Variants in CD163 observed in about 807,000 individuals in gnomAD.
CD163 encodes scavenger receptor cysteine-rich type 1 protein M130.
In CD163, 64 loss-of-function variants were observed where a neutral mutation model predicts 129.2. That is an observed-to-expected ratio of 0.50 (90% CI 0.41 to 0.61). The LOEUF is 0.61. Among genes scored for constraint, CD163 ranks in the 20% least tolerant of loss-of-function variants. The pLI, the probability that CD163 is intolerant of heterozygous loss-of-function variation, is 0.00. For missense variants in CD163, 1,061 were observed against 1,377.9 expected, an observed-to-expected ratio of 0.77 and a Z score of 3.64; for synonymous variants, 446 against 478.5, an observed-to-expected ratio of 0.93 and a Z score of 0.89.
chr12:7,496,159 G>A lies in CD163; in HGVS notation c.1099+654C>T, dbSNP rs1350552498. On this transcript the variant is annotated intron_variant, in intron 5 of 16. Transcript: ENST00000432237. The surrounding 1 kb of genome is among the most constrained non-coding windows in gnomAD (Gnocchi z 4.8). ...ACTACGCAGCCATAAAAAAGAATGA[G>A]TTTATGTCCTTTGAAGGGACACAGA... 6.6e-6 allele frequency among the ~76,000 whole-genome samples: 1 copy of A among 152,162 alleles called. No homozygotes were observed. The highest frequency in any genetic ancestry group is 1.5e-5 in the Non-Finnish European group (1 of 68,040).
intron 16 of CD163, among the ~76,000 whole-genome samples, chr12:7,475,097 C>CAAAA (rs58901449): frequency 6.9e-4 from 65 of 93,958 alleles, no homozygotes; most frequent in African/African-American, 7.6e-4. Context: ...GCCTACCAAC[C>CAAAA]AAAAAAAAAA....
Position 7,485,087 on chromosome 12 carries a change from G to C in CD163, c.2779+9C>G. ...AATGGAATTTTCATATAGGTCGATG[G>C]ATACTCACTGTCACATGTGATCCAG... On this transcript the variant is annotated intron_variant, in intron 11 of 16. Transcript: ENST00000432237. The surrounding 1 kb of genome is among the most constrained non-coding windows in gnomAD (Gnocchi z 4.5). 6.3e-7 allele frequency: 1 copy of C among 1,583,880 alleles called. No homozygotes were observed.
chr12:7,479,496 T>C (rs1483573798), intron 16 of CD163, among the ~76,000 whole-genome samples: 1 of 152,162 alleles, frequency 6.6e-6, no homozygotes, highest in African/African-American at 2.4e-5. Flanking sequence ...AAACTTTCTG[T>C]AGTGCCTTGT....
At chr12:7,479,790 A>G in intron 16 of CD163, 70 bp downstream of exon 16, 1 of 1,513,006 alleles carries the variant, frequency 6.6e-7, no homozygotes, top group South Asian at 1.2e-5. Flanking sequence ...TTCTAATGCC[A>G]GAAGAGCTCT....
rs760838036 is a variant in CD163 at position 7,501,441 on chromosome 12, C to T, written c.155G>A (p.Arg52Lys). 4 of 1,613,848 alleles carry T rather than the reference C, an allele frequency of 2.5e-6. No individual in the cohort carries two copies. In the South Asian group the frequency reaches 4.4e-5, roughly 18 times the overall value. Residue 52 changes from arginine to lysine, a missense_variant, in exon 3 of 17, where the codon AGG becomes AAG. Transcript: ENST00000432237. ...SSLGGTDKEL[R>K]LVDGENKCSG... ...ACACTTGTTTTCACCATCCACTAGCCTCAGCTCCTTGTCTGTTCCTCCTGC... is the reference window on the plus strand; with the variant it reads ...ACACTTGTTTTCACCATCCACTAGCTTCAGCTCCTTGTCTGTTCCTCCTGC...
At position 7,482,667 on chromosome 12, in the gene CD163, G is replaced by A. The variant is rs2136697351; in HGVS notation, c.3223C>T (p.Arg1075Ter). Residue 1075 changes from arginine to a stop codon, truncating the protein, a stop_gained, in exon 14 of 17, where the codon CGA becomes TGA. Transcript: ENST00000432237. LOFTEE classifies it high-confidence loss of function. ...CCTGCAAGCCGCTGTCTCTGTCTTC[G>A]CTTTTTAGTCAAGAAGAATAATGCG... ...FVALFFLTKK[R>*]RQRQRLAVSS... is the part of the protein sequence containing the mutation. 4 of 1,614,036 alleles carry A rather than the reference G, an allele frequency of 2.5e-6. No individual in the cohort carries two copies. Among genetic ancestry groups the A allele is most frequent in the East Asian group, 2.2e-5 (1 of 44,878 alleles).
At chr12:7,501,781 C>T (rs1451537545) in intron 2 of CD163, among the ~76,000 whole-genome samples, 1 of 152,076 alleles carries the variant, frequency 6.6e-6, no homozygotes, top group Non-Finnish European at 1.5e-5. Flanking sequence ...AAATAAGATG[C>T]TACAAAACGT....
At chr12:7,484,887 G>C (rs1949226539) in intron 11 of CD163, among the ~76,000 whole-genome samples, 1 of 152,178 alleles carries the variant, frequency 6.6e-6, no homozygotes, top group South Asian at 2.1e-4. Flanking sequence ...AATAATAGCT[G>C]ATCCTGAATA....
At chr12:7,471,541 C>T (rs1282582791) in intron 16 of CD163, 144 bp from the exon 17 acceptor site, 1 of 148,678 alleles carries the variant, frequency 6.7e-6, no homozygotes, top group Admixed American at 6.8e-5. Context: ...TTTTTTTTAA[C>T]TTCAGTGTGC....
At chr12:7,475,097 C>CAAAAAAAAAAAAAAAAAAAAAAAAA (rs58901449) in intron 16 of CD163, among the ~76,000 whole-genome samples, 2 of 94,018 alleles carry the variant, frequency 2.1e-5, no homozygotes, top group African/African-American at 8.9e-5. Context: ...GCCTACCAAC[C>CAAAAAAAAAAAAAAAAAAAAAAAAA]AAAAAAAAAA....
In CD163 at chr12:7,483,395, G is replaced by T; in HGVS notation, c.3060C>A (p.His1020Gln). Reference sequence around the variant, plus strand: ...TGCAATTCACTGCAGCGTCTTCCTTGTGCCCACACTCACTATGGCCCCAGC... The same window carrying T: ...TGCAATTCACTGCAGCGTCTTCCTTTTGCCCACACTCACTATGGCCCCAGC... ...ARRWGHSECG[H>Q]KEDAAVNCTD... The change falls in exon 12 of 17, where the codon CAC (histidine) becomes CAA (glutamine). Residue 1020 changes from histidine (H) to glutamine (Q), a missense_variant. Transcript: ENST00000432237. The T allele has an allele frequency of 6.2e-7, 1 of 1,613,798 alleles. No homozygotes were observed. The highest frequency in any genetic ancestry group is 8.5e-7 in the Non-Finnish European group (1 of 1,179,940).
rs1949523194 is a variant in CD163, at chr12:7,503,632, G to A, written c.46+13C>T. 3 of 1,573,002 alleles carry A rather than the reference G, an allele frequency of 1.9e-6. No individual in the cohort carries two copies. Among genetic ancestry groups the A allele is most frequent in the Non-Finnish European group, 2.6e-6 (3 of 1,147,002 alleles). ...ATTAAAGGGGAAATGTAGAATAAAT[G>A]AGAAGCTTTTACCAGCAGATCCAGA... On this transcript the variant is annotated intron_variant, in intron 1 of 16. Transcript: ENST00000432237.
rs200328700 is a variant in CD163 at position 7,488,100 on chromosome 12, T to C, written c.1421-13A>G. On this transcript the variant is annotated splice_polypyrimidine_tract_variant and intron_variant, in intron 6 of 16. Coordinates refer to ENST00000432237, the MANE Select transcript of CD163 (RefSeq NM_203416.4). ...GGTTCCCTGTGGGCTGAAAAATAAATATTATTTCAGTGAGAGGTAATATGA... is the reference window on the plus strand; with the variant it reads ...GGTTCCCTGTGGGCTGAAAAATAAACATTATTTCAGTGAGAGGTAATATGA... 223 of 1,584,324 alleles carry C rather than the reference T, an allele frequency of 1.4e-4. 1 individual carries two copies. In the East Asian group the frequency reaches 4.8e-3, roughly 34 times the overall value.
Position 7,498,855 on chromosome 12 carries a change from G to A in CD163, c.778+13C>T, listed in dbSNP as rs1949438486. The A allele has an allele frequency of 1.2e-6, 2 of 1,608,332 alleles. No individual in the cohort carries two copies. The highest frequency in any genetic ancestry group is 4.5e-5 in the East Asian group (2 of 44,826). On this transcript the variant is annotated intron_variant, in intron 4 of 16. Coordinates refer to ENST00000432237, the MANE Select transcript of CD163 (RefSeq NM_203416.4). ...TCTCCTGGAGAATAGAATGAGCCAAGATCAGTCCTTACTTGAGCAAATCAC... is the reference window on the plus strand; with the variant it reads ...TCTCCTGGAGAATAGAATGAGCCAAAATCAGTCCTTACTTGAGCAAATCAC...
chr12:7,500,369 C>T (rs1449144606), intron 3 of CD163, among the ~76,000 whole-genome samples: 1 of 127,066 alleles, frequency 7.9e-6, no homozygotes, highest in Admixed American at 1.1e-4. Flanking sequence ...TGCAGTGAGC[C>T]GAGATAGCGC....
chr12:7,486,223 G>A (rs1949246443), intron 10 of CD163, among the ~76,000 whole-genome samples: 1 of 151,836 alleles, frequency 6.6e-6, no homozygotes, highest in Non-Finnish European at 1.5e-5. Flanking sequence ...CTAATATCTG[G>A]CCCCAAATAT....
chr12:7,481,016 A>G, intron 15 of CD163, 145 bp downstream of exon 15: 1 of 1,361,284 alleles, frequency 7.3e-7, no homozygotes, highest in Non-Finnish European at 9.5e-7. Context: ...AATAATTTTC[A>G]GTCATTCTTG....
rs958789035 is a variant in CD163, at chr12:7,482,902, C to T, written c.3127+64G>A. 9 of 1,595,550 alleles carry T rather than the reference C, an allele frequency of 5.6e-6. No individual in the cohort carries two copies. In the African/African-American group the frequency reaches 1.2e-4, roughly 22 times the overall value. On this transcript the variant is annotated intron_variant, in intron 13 of 16. Coordinates refer to ENST00000432237, the MANE Select transcript of CD163 (RefSeq NM_203416.4). The stretch of plus-strand genomic sequence containing the variant: ...CCTCAGAACGTCTGACCTAAAATTT[C>T]TAAACAAGAAAAATTCTATGTATGC...
intron 4 of CD163, among the ~76,000 whole-genome samples, chr12:7,498,590 C>T (rs967118027): frequency 3.9e-5 from 6 of 151,920 alleles, no homozygotes; most frequent in Non-Finnish European, 5.9e-5. Flanking sequence ...TTTTTCTTTT[C>T]GGTCTCTCCC....
Sources: allele counts gnomAD v4.1 joint callset (sites outside exome capture counted in the v4.1 genomes callset), GRCh38; gene constraint gnomAD v4.1.1; non-coding constraint Gnocchi (gnomAD v3.1); transcripts MANE v1.5; gene names NCBI Gene and HGNC (gene_info 2026-07-23, HGNC 2026-07-21).